PCDHA5: variants seen among roughly 807,000 people sequenced by gnomAD.
PCDHA5 encodes the protein protocadherin alpha 5.
PCDHA5 carries 43 observed loss-of-function variants against 61.6 expected under a neutral mutation model. The ratio of observed to expected loss-of-function variants is 0.70; its 90% CI spans 0.55 to 0.90. The LOEUF is 0.90. Among genes scored for constraint, PCDHA5 ranks in the 40% least tolerant of loss-of-function variants. The probability of loss-of-function intolerance (pLI) is 0.00; values close to 1 mark genes in which losing one functional copy is unlikely to be tolerated. For missense variants in PCDHA5, 1,298 were observed against 1,222.7 expected, an observed-to-expected ratio of 1.06 and a Z score of -0.92; for synonymous variants, 627 against 543.9, an observed-to-expected ratio of 1.15 and a Z score of -2.13.
intron 3 of PCDHA5, among the ~76,000 whole-genome samples, chr5:141,002,755 T>A (rs894161079): frequency 1.3e-5 from 2 of 152,174 alleles, no homozygotes; most frequent in Non-Finnish European, 2.9e-5. Context: ...GACAACCCTG[T>A]GATGTAGACA....
chr5:140,828,235 C>A, intron 1 of PCDHA5: 1 of 1,613,970 alleles, frequency 6.2e-7, no homozygotes, highest in East Asian at 2.2e-5. Context: ...TGGGCCGGAT[C>A]GCGCAGGACC....
intron 1 of PCDHA5, chr5:140,882,570 A>G (rs1562776435): frequency 6.2e-7 from 1 of 1,614,240 alleles, no homozygotes. Flanking sequence ...CGGAGCGCGG[A>G]GTGCAGCATC....
intron 1 of PCDHA5, chr5:140,876,391 G>T: frequency 6.2e-7 from 1 of 1,613,920 alleles, no homozygotes; most frequent in South Asian, 1.1e-5. Context: ...AATTTATGGT[G>T]AACTGGATTT....
At chr5:140,959,428 A>AT (rs2095488424) in intron 1 of PCDHA5, among the ~76,000 whole-genome samples, 1 of 152,102 alleles carries the variant, frequency 6.6e-6, no homozygotes, top group Non-Finnish European at 1.5e-5. Context: ...GAATTTGTGT[A>AT]TTTTTTTCTA....
chr5:140,928,262 A>T lies in PCDHA5; in HGVS notation c.2353-50687A>T, dbSNP rs199571652. ...CAGCAGGAACTTTTCGTTGCTGAAA[A>T]CAATGGCCCTGGGGCCTCTCTAGGC... is the stretch of plus-strand genomic sequence containing the variant. On this transcript the variant is annotated intron_variant, in intron 1 of 3. Coordinates refer to ENST00000529859, the MANE Select transcript of PCDHA5 (RefSeq NM_018908.3). 20 of 1,614,214 alleles carry T rather than the reference A, an allele frequency of 1.2e-5. No homozygotes were observed. In the Admixed American group the frequency reaches 2.2e-4, roughly 17 times the overall value.
chr5:140,846,663 C>T lies in PCDHA5; in HGVS notation c.2352+22536C>T, dbSNP rs182609194. ...TGCTGGGATTACAGGCATGAGCCAC[C>T]GCGCCCAGCCTAAAATGCTTTCTTA... On this transcript the variant is annotated intron_variant, in intron 1 of 3. Transcript: ENST00000529859. 1.7e-3 allele frequency among the ~76,000 whole-genome samples: 253 copies of T among 149,206 alleles called. 23 individuals carry two copies. Among genetic ancestry groups the T allele is most frequent in the Middle Eastern group, 3.5e-3 (1 of 286 alleles).
intron 1 of PCDHA5, among the ~76,000 whole-genome samples, chr5:140,935,239 A>G (rs1554210410): frequency 1.3e-5 from 2 of 152,172 alleles, no homozygotes. Flanking sequence ...TCTATTTTTT[A>G]AAAGATAAAA....
chr5:140,858,852 T>A lies in PCDHA5; in HGVS notation c.2352+34725T>A, dbSNP rs1327075015. The A allele has an allele frequency of 2.5e-5, 7 of 281,540 alleles. 1 individual carries two copies. The highest frequency in any genetic ancestry group is 4.7e-5 in the Non-Finnish European group (7 of 148,550). The allele number at this position is 281,540 out of a possible 1,614,324, so 17.4% of individuals were successfully genotyped here. On this transcript the variant is annotated intron_variant, in intron 1 of 3. Coordinates refer to ENST00000529859, the MANE Select transcript of PCDHA5 (RefSeq NM_018908.3). ...TACCAAAAAATTCCACTGATCTATA[T>A]CTCTTCAGTGAAAATGTGTTTTCCT... is the stretch of plus-strand genomic sequence containing the variant.
chr5:141,008,871 C>T (rs1249220900), intron 3 of PCDHA5, among the ~76,000 whole-genome samples: 2 of 152,168 alleles, frequency 1.3e-5, no homozygotes, highest in African/African-American at 4.8e-5. Context: ...TGCTGCATCC[C>T]ACCACCCTTC....
At position 140,924,955 on chromosome 5, in the gene PCDHA5, T is replaced by C. The variant is rs571597374; in HGVS notation, c.2353-53994T>C. Among the ~76,000 whole-genome samples, 96 of 145,332 alleles carry C rather than the reference T, an allele frequency of 6.6e-4. 1 individual carries two copies. The South Asian group carries it at 0.02, about 30-fold the overall frequency. The stretch of plus-strand genomic sequence containing the variant: ...ATAAAATAAAAAGTTAAAAAAAAAA[T>C]GCAAGGTGAGTGCAGTGGCTCATGT... On this transcript the variant is annotated intron_variant, in intron 1 of 3. Transcript: ENST00000529859.
chr5:140,856,501 T>A, intron 1 of PCDHA5: 1 of 1,598,302 alleles, frequency 6.3e-7, no homozygotes, highest in Non-Finnish European at 8.6e-7. Flanking sequence ...ACTCTCGATT[T>A]CCACTAGAAG....
chr5:141,006,346 G>C (rs2098268580), intron 3 of PCDHA5, among the ~76,000 whole-genome samples: 1 of 151,806 alleles, frequency 6.6e-6, no homozygotes, highest in South Asian at 2.1e-4. Context: ...TGAGTAGCTG[G>C]GACTATAGGC....
At chr5:140,837,464 C>T (rs1295340702) in intron 1 of PCDHA5, among the ~76,000 whole-genome samples, 1 of 151,746 alleles carries the variant, frequency 6.6e-6, no homozygotes, top group African/African-American at 2.4e-5. Flanking sequence ...CTCCTTGCCT[C>T]CTCAAACCCC....
intron 1 of PCDHA5, chr5:140,881,522 A>G: frequency 5.1e-6 from 1 of 196,850 alleles, no homozygotes; most frequent in South Asian, 1.8e-4. Context: ...AAAATCCCAC[A>G]CATATTGACT....
At chr5:140,953,950 A>G (rs1458991224) in intron 1 of PCDHA5, among the ~76,000 whole-genome samples, 1 of 151,936 alleles carries the variant, frequency 6.6e-6, no homozygotes, top group Non-Finnish European at 1.5e-5. Flanking sequence ...TTGCTCCCCC[A>G]ACAGGCCCCA....
Position 140,858,304 on chromosome 5 carries a change from G to A in PCDHA5, c.2352+34177G>A, listed in dbSNP as rs1370473412. 5 of 1,597,320 alleles carry A rather than the reference G, an allele frequency of 3.1e-6. No homozygotes were observed. In the African/African-American group the frequency reaches 6.7e-5, roughly 21 times the overall value. ...GGAGCTGGTCTTACTCGCAGCAGAG[G>A]CGGCAGAGGGTGTGTTCTGGGGAGG... On this transcript the variant is annotated intron_variant, in intron 1 of 3. Transcript: ENST00000529859.
At chr5:140,844,880 C>A (rs1779593021) in intron 1 of PCDHA5, among the ~76,000 whole-genome samples, 2 of 149,342 alleles carry the variant, frequency 1.3e-5, no homozygotes, top group South Asian at 4.2e-4. Context: ...ACCCATTAGA[C>A]TTCGTGCATA....
chr5:140,861,756 T>C (rs1158733756), intron 1 of PCDHA5: 1 of 108,868 alleles, frequency 9.2e-6, no homozygotes, highest in Non-Finnish European at 1.9e-5. Context: ...AATGATTATT[T>C]TTCCCTGGAA....
intron 1 of PCDHA5, chr5:140,878,115 A>T: frequency 4.3e-6 from 1 of 232,352 alleles, no homozygotes; most frequent in Non-Finnish European, 8.1e-6. Flanking sequence ...AAAAAACAGT[A>T]TATTAGATTA....
Sources: gnomAD v4.1 joint callset for allele counts (sites outside exome capture counted in the v4.1 genomes callset) on GRCh38, gnomAD v4.1.1 for gene constraint, MANE v1.5 for transcripts, NCBI Gene and HGNC (gene_info 2026-07-23, HGNC 2026-07-21) for gene names.